FRYL: variants seen among roughly 807,000 people sequenced by gnomAD.
FRYL encodes protein furry homolog-like.
Under a neutral mutation model 351.2 loss-of-function variants are expected in FRYL, and 150 were observed. The ratio of observed to expected loss-of-function variants is 0.43; its 90% CI spans 0.37 to 0.49. The LOEUF (loss-of-function observed/expected upper bound fraction) is 0.49, where lower values mean the gene tolerates loss of function less well. Ranked by LOEUF, FRYL falls within the 20% of genes least tolerant of loss-of-function variation. The pLI is 0.00. For synonymous variants in FRYL, 1,153 were observed against 1,257.1 expected, an observed-to-expected ratio of 0.92 and a Z score of 1.75; for missense variants, 3,036 against 3,619.3, an observed-to-expected ratio of 0.84 and a Z score of 4.13.
intron 53 of FRYL, among the ~76,000 whole-genome samples, chr4:48,525,163 G>GTATATATATATA (rs57457069): frequency 1.4e-4 from 20 of 139,914 alleles, no homozygotes; most frequent in African/African-American, 4.5e-4. Context: ...ATTTTTAAAG[G>GTATATATATATA]TATATATATA....
At chr4:48,609,674 G>C in intron 8 of FRYL, 70 bp downstream of exon 8, 2 of 680,866 alleles carry the variant, frequency 2.9e-6, no homozygotes, top group South Asian at 2.2e-5. Context: ...CAAATGATCA[G>C]TAAGACTTAA....
intron 50 of FRYL, among the ~76,000 whole-genome samples, chr4:48,528,975 G>A (rs1008057927): frequency 6.6e-5 from 10 of 152,038 alleles, no homozygotes; most frequent in African/African-American, 2.4e-4. Context: ...CATGTCATAC[G>A]AGTCCCTTTA....
chr4:48,619,417 A>T lies in FRYL; in HGVS notation c.315-47T>A, dbSNP rs546350486. On this transcript the variant is annotated intron_variant, in intron 6 of 63. Transcript: ENST00000358350. ...AGTACTGCATTAAGATTATGACTTT[A>T]AAAATACCTGTTAGTTAGTAGCTCA... is the stretch of plus-strand genomic sequence containing the variant. 2.5e-5 allele frequency: 26 copies of T among 1,054,968 alleles called. 1 individual carries two copies. The South Asian group carries it at 4.4e-4, about 18-fold the overall frequency. The allele number at this position is 1,054,968 out of a possible 1,614,324, so 65.4% of individuals were successfully genotyped here.
chr4:48,750,170 A>C (rs1240987372), intron 1 of FRYL, among the ~76,000 whole-genome samples: 1 of 151,332 alleles, frequency 6.6e-6, no homozygotes, highest in Non-Finnish European at 1.5e-5. Flanking sequence ...AAAAGAAAAA[A>C]AAGGAAGAGG....
chr4:48,566,784 T>C (rs1295983455), intron 28 of FRYL, among the ~76,000 whole-genome samples: 1 of 152,230 alleles, frequency 6.6e-6, no homozygotes, highest in Non-Finnish European at 1.5e-5. Flanking sequence ...CTTCCTAGTA[T>C]CTAAACCAGT....
chr4:48,702,502 G>T (rs1237956621), intron 2 of FRYL, among the ~76,000 whole-genome samples: 1 of 127,114 alleles, frequency 7.9e-6, no homozygotes, highest in African/African-American at 3.0e-5. Flanking sequence ...AATGCTGGGC[G>T]CGGTGGCTCA....
Position 48,576,767 on chromosome 4 carries a change from A to T in FRYL, c.2529-545T>A, listed in dbSNP as rs115012384. Among the ~76,000 whole-genome samples the T allele has an allele frequency of 1.7e-3, 252 of 152,336 alleles. 2 individuals carry two copies. Among genetic ancestry groups the T allele is most frequent in the African/African-American group, 5.8e-3 (243 of 41,592 alleles). On this transcript the variant is annotated intron_variant, in intron 23 of 63. Transcript: ENST00000358350. ...ATAAAAGTTAATATTTTATTGGGCC[A>T]TATTTTATAACTTACTATGCATACT...
chr4:48,562,681 C>G (rs552792404), intron 32 of FRYL, among the ~76,000 whole-genome samples: 1 of 152,226 alleles, frequency 6.6e-6, no homozygotes, highest in South Asian at 2.1e-4. Context: ...CTACAATACA[C>G]TTAGGAATAG....
chr4:48,692,415 C>A (rs1269213243), intron 2 of FRYL, among the ~76,000 whole-genome samples: 2 of 150,768 alleles, frequency 1.3e-5, no homozygotes, highest in Middle Eastern at 6.8e-3. Context: ...TTTTTTGAGA[C>A]AGAGTTTCAC....
intron 1 of FRYL, among the ~76,000 whole-genome samples, chr4:48,759,420 T>A (rs1217838771): frequency 6.6e-6 from 1 of 152,220 alleles, no homozygotes; most frequent in Non-Finnish European, 1.5e-5. Context: ...CAGTTTCCCA[T>A]TGCTGCTGTA....
intron 22 of FRYL, 42 bp downstream of exon 22, chr4:48,580,823 G>A: frequency 7.8e-7 from 1 of 1,288,774 alleles, no homozygotes; most frequent in Non-Finnish European, 1.1e-6. Context: ...TCTGTCATAA[G>A]TCTCAAAACA....
chr4:48,502,545 C>CAAAA (rs57308308), intron 61 of FRYL, among the ~76,000 whole-genome samples: 1 of 111,188 alleles, frequency 9.0e-6, no homozygotes. Flanking sequence ...GACTCCATCT[C>CAAAA]AAAAAAAAAA....
chr4:48,596,615 G>A (rs991062207), intron 13 of FRYL, among the ~76,000 whole-genome samples: 2 of 152,068 alleles, frequency 1.3e-5, no homozygotes, highest in African/African-American at 4.8e-5. Context: ...ACCTACCTCA[G>A]AGGTAAAGTT....
chr4:48,770,788 C>T (rs1775433303), intron 1 of FRYL, among the ~76,000 whole-genome samples: 1 of 152,102 alleles, frequency 6.6e-6, no homozygotes, highest in South Asian at 2.1e-4. Flanking sequence ...AATAAATAAG[C>T]ATACACATAT....
chr4:48,577,760 C>T (rs1309597248), intron 23 of FRYL, among the ~76,000 whole-genome samples: 4 of 151,748 alleles, frequency 2.6e-5, no homozygotes, highest in Non-Finnish European at 4.4e-5. Context: ...GCTATAATCC[C>T]AGCACTTTGG....
intron 1 of FRYL, among the ~76,000 whole-genome samples, chr4:48,760,273 A>G (rs1774266556): frequency 2.0e-5 from 3 of 151,860 alleles, no homozygotes; most frequent in Non-Finnish European, 4.4e-5. Context: ...AGAGATTCTC[A>G]TGCCTCAACC....
At chr4:48,668,395 A>T (rs1762109846) in intron 3 of FRYL, among the ~76,000 whole-genome samples, 1 of 151,822 alleles carries the variant, frequency 6.6e-6, no homozygotes, top group Admixed American at 6.6e-5. Context: ...TTAAAAAAAA[A>T]AAAAAAAAGA....
chr4:48,655,047 T>A (rs147518001), intron 3 of FRYL, among the ~76,000 whole-genome samples: 6 of 152,328 alleles, frequency 3.9e-5, no homozygotes, highest in Non-Finnish European at 7.4e-5. Context: ...CATAACTGAA[T>A]AAATTTATTC....
At chr4:48,654,647 T>C (rs1162754632) in intron 3 of FRYL, among the ~76,000 whole-genome samples, 1 of 152,194 alleles carries the variant, frequency 6.6e-6, no homozygotes, top group Admixed American at 6.5e-5. Context: ...TAGTTGAAAA[T>C]ACAGTCTTCT....
Sources: gnomAD v4.1 joint callset for allele counts (sites outside exome capture counted in the v4.1 genomes callset) on GRCh38, gnomAD v4.1.1 for gene constraint, MANE v1.5 for transcripts, NCBI Gene and HGNC (gene_info 2026-07-23, HGNC 2026-07-21) for gene names.